The following IQGAP2 variants were observed in gnomAD, a reference collection of about 807,000 sequenced individuals.
The protein encoded by IQGAP2 is ras GTPase-activating-like protein IQGAP2.
A neutral mutation model predicts 201.3 loss-of-function variants in IQGAP2; 173 were observed. The ratio of observed to expected loss-of-function variants is 0.86; its 90% confidence interval spans 0.76 to 0.98. IQGAP2 has a LOEUF of 0.98. Ranked by LOEUF, IQGAP2 falls within the 50% of genes least tolerant of loss-of-function variation. The pLI is 0.00. For missense variants in IQGAP2, 1,687 were observed against 1,864.8 expected (o/e 0.90, Z 1.76); for synonymous variants, 675 against 673.9 (o/e 1.00, Z -0.03).
intron 12 of IQGAP2, among the ~76,000 whole-genome samples, chr5:76,610,072 CTCTCTATATATATA>C (rs1355474084): frequency 2.4e-4 from 1 of 4,176 alleles, no homozygotes; most frequent in Non-Finnish European, 6.9e-4. Context: ...CTCTCTCTCT[CTCTCTATATATATA>C]TATATATATA....
intron 1 of IQGAP2, among the ~76,000 whole-genome samples, chr5:76,427,640 A>G (rs1363442302): frequency 1.3e-5 from 2 of 152,184 alleles, no homozygotes; most frequent in Non-Finnish European, 2.9e-5. Flanking sequence ...CGCGTGTGTC[A>G]TGTGAGGATT....
chr5:76,625,262 A>G (rs1004958026), intron 13 of IQGAP2, among the ~76,000 whole-genome samples: 4 of 152,210 alleles, frequency 2.6e-5, no homozygotes, highest in Admixed American at 2.6e-4. Context: ...CTGCCTTCTC[A>G]TCTGGGTAGA....
intron 1 of IQGAP2, among the ~76,000 whole-genome samples, chr5:76,421,365 G>A (rs756811656): frequency 1.3e-5 from 2 of 151,996 alleles, no homozygotes; most frequent in African/African-American, 2.4e-5. Flanking sequence ...TGTAATCCCC[G>A]CACTTTGGGA....
At chr5:76,587,407 C>A (rs923427897) in intron 5 of IQGAP2, among the ~76,000 whole-genome samples, 3 of 152,094 alleles carry the variant, frequency 2.0e-5, no homozygotes, top group African/African-American at 7.2e-5. Flanking sequence ...CATTATTTGC[C>A]ATAGTTATTA....
intron 28 of IQGAP2, among the ~76,000 whole-genome samples, chr5:76,681,709 C>T (rs1745318917): frequency 6.6e-6 from 1 of 151,948 alleles, no homozygotes. Flanking sequence ...AAAAATTAAA[C>T]ATAGAATTAC....
chr5:76,459,194 C>T (rs1754280436), intron 1 of IQGAP2, among the ~76,000 whole-genome samples: 1 of 152,200 alleles, frequency 6.6e-6, no homozygotes, highest in South Asian at 2.1e-4. Context: ...AGCCCCTCAG[C>T]AGCTGTCCTG....
In IQGAP2 at chr5:76,658,611, C is replaced by G; in HGVS notation, c.2473C>G (p.Leu825Val). Residue 825 changes from leucine to valine, a missense_variant, in exon 21 of 36, where the codon CTG becomes GTG. By Grantham distance (32) the Leu-to-Val change is conservative. Transcript: ENST00000274364. ...IRANQQLEKDLNLMDIKIGLL... is the reference protein window; with the variant it reads ...IRANQQLEKDVNLMDIKIGLL... The stretch of plus-strand genomic sequence containing the variant: ...GGCCAATCAACAGCTGGAAAAAGAC[C>G]TGAACCTGATGGACATCAAGATTGG... 1 of 1,614,018 alleles carries G rather than the reference C, an allele frequency of 6.2e-7. No homozygotes were observed. The highest frequency in any genetic ancestry group is 8.5e-7 in the Non-Finnish European group (1 of 1,179,974).
intron 2 of IQGAP2, among the ~76,000 whole-genome samples, chr5:76,551,211 TCGG>T (rs1366071784): frequency 7.9e-6 from 1 of 127,126 alleles, no homozygotes; most frequent in Non-Finnish European, 1.6e-5. Flanking sequence ...CCAGACGGGG[TCGG>T]GGCCGGGCAG....
chr5:76,418,663 GA>G (rs1751551813), intron 1 of IQGAP2, among the ~76,000 whole-genome samples: 2 of 152,028 alleles, frequency 1.3e-5, no homozygotes, highest in Non-Finnish European at 1.5e-5. Flanking sequence ...CATGCTGTAG[GA>G]AAATATTTCA....
intron 35 of IQGAP2, 138 bp from the exon 36 acceptor site, chr5:76,707,062 A>C (rs1217916464): frequency 1.6e-6 from 1 of 611,566 alleles, no homozygotes; most frequent in Non-Finnish European, 2.9e-6. Flanking sequence ...TTTGAGACCA[A>C]CCTGGGCAAC....
chr5:76,695,735 G>C, intron 32 of IQGAP2, 69 bp downstream of exon 32: 2 of 1,282,596 alleles, frequency 1.6e-6, no homozygotes, highest in Non-Finnish European at 2.2e-6. Flanking sequence ...CAAGTGCTGG[G>C]CACTCTGTGA....
chr5:76,626,803 C>G (rs572682392), intron 13 of IQGAP2, among the ~76,000 whole-genome samples: 1 of 152,072 alleles, frequency 6.6e-6, no homozygotes, highest in Non-Finnish European at 1.5e-5. Flanking sequence ...CCCGGGAAGA[C>G]TTTTTGGAGT....
Position 76,464,214 on chromosome 5 carries a change from C to T in IQGAP2, c.146+2545C>T, listed in dbSNP as rs570510394. On this transcript the variant is annotated intron_variant, in intron 2 of 35. Transcript: ENST00000274364. ...TGGATTATATAAAAATTTGTGGCTA[C>T]TACTAGACATATAGTTGTGCTGATT... is the stretch of plus-strand genomic sequence containing the variant. 3.9e-4 allele frequency among the ~76,000 whole-genome samples: 60 copies of T among 152,270 alleles called. 1 individual carries two copies. Among genetic ancestry groups the T allele is most frequent in the African/African-American group, 1.4e-3 (57 of 41,560 alleles).
chr5:76,415,874 G>T (rs1308257859), intron 1 of IQGAP2, among the ~76,000 whole-genome samples: 1 of 151,934 alleles, frequency 6.6e-6, no homozygotes, highest in African/African-American at 2.4e-5. Context: ...GAACCCAGGA[G>T]GTGGAGGTTG....
chr5:76,480,189 A>G (rs1300797385), intron 2 of IQGAP2, among the ~76,000 whole-genome samples: 1 of 152,066 alleles, frequency 6.6e-6, no homozygotes, highest in Non-Finnish European at 1.5e-5. Context: ...TGTGCCTCAG[A>G]TTAATGTCAG....
intron 2 of IQGAP2, among the ~76,000 whole-genome samples, chr5:76,496,759 TTCTTTCTTTC>T: frequency 1.1e-5 from 1 of 93,020 alleles, no homozygotes; most frequent in East Asian, 2.4e-4. Context: ...CTTTCTTTCT[TTCTTTCTTTC>T]TTTCTTTCTT....
chr5:76,444,988 A>G (rs1325024178), intron 1 of IQGAP2, among the ~76,000 whole-genome samples: 1 of 152,008 alleles, frequency 6.6e-6, no homozygotes, highest in African/African-American at 2.4e-5. Context: ...CTAATTTGAA[A>G]CTCTTTGGTT....
chr5:76,680,128 A>G (rs1464061819), intron 28 of IQGAP2, among the ~76,000 whole-genome samples: 3 of 152,238 alleles, frequency 2.0e-5, no homozygotes, highest in Non-Finnish European at 4.4e-5. Context: ...AGACAGTGCT[A>G]TGCTGGCATA....
intron 2 of IQGAP2, 106 bp downstream of exon 2, chr5:76,461,775 C>A (rs1328890695): frequency 2.7e-6 from 2 of 745,798 alleles, no homozygotes; most frequent in Non-Finnish European, 4.6e-6. Flanking sequence ...GCCAGCAATT[C>A]TAAAGAGTTG....
Sources: gnomAD v4.1 joint callset for allele counts (sites outside exome capture counted in the v4.1 genomes callset) on GRCh38, gnomAD v4.1.1 for gene constraint, MANE v1.5 for transcripts, NCBI Gene and HGNC (gene_info 2026-07-23, HGNC 2026-07-21) for gene names.